SUSD4: variants seen among roughly 807,000 people sequenced by gnomAD.
SUSD4 encodes sushi domain-containing protein 4.
SUSD4 carries 41 observed loss-of-function variants against 50.5 expected under a neutral mutation model. That is an observed-to-expected ratio of 0.81 (90% CI 0.63 to 1.05). SUSD4 has a LOEUF of 1.05. Ranked by LOEUF, SUSD4 falls within the 50% of genes least tolerant of loss-of-function variation. The probability of loss-of-function intolerance (pLI) is 0.00; values close to 1 mark genes in which losing one functional copy is unlikely to be tolerated. For missense variants in SUSD4, 580 were observed against 634.7 expected (o/e 0.91, Z 0.93); for synonymous variants, 257 against 257.3 (o/e 1.00, Z 0.01).
intron 2 of SUSD4, among the ~76,000 whole-genome samples, chr1:223,352,817 A>G (rs1321004492): frequency 6.6e-6 from 1 of 151,978 alleles, no homozygotes; most frequent in Non-Finnish European, 1.5e-5. Context: ...AGTTCACCCC[A>G]CTGTCCTACC....
At chr1:223,262,866 T>C (rs1316809674) in intron 5 of SUSD4, among the ~76,000 whole-genome samples, 2 of 152,186 alleles carry the variant, frequency 1.3e-5, no homozygotes, top group African/African-American at 2.4e-5. Context: ...CAGCCAGGGT[T>C]TTCCCATCTA....
At chr1:223,352,305 G>A (rs1327305468) in intron 2 of SUSD4, among the ~76,000 whole-genome samples, 1 of 152,202 alleles carries the variant, frequency 6.6e-6, no homozygotes, top group African/African-American at 2.4e-5. Context: ...AGGGGCAAGA[G>A]CTCTCTGTGT....
intron 2 of SUSD4, among the ~76,000 whole-genome samples, chr1:223,357,993 A>C (rs1013583099): frequency 2.0e-5 from 3 of 152,234 alleles, no homozygotes; most frequent in Non-Finnish European, 4.4e-5. Context: ...TCAAACAGCA[A>C]ATGAGCTTTC....
intron 2 of SUSD4, among the ~76,000 whole-genome samples, chr1:223,346,522 C>G (rs1668044868): frequency 6.6e-6 from 1 of 152,210 alleles, no homozygotes; most frequent in South Asian, 2.1e-4. Flanking sequence ...TGAGTGCCCC[C>G]CAGCCTGGAA....
intron 7 of SUSD4, among the ~76,000 whole-genome samples, chr1:223,224,865 T>C (rs2487830): frequency 2.6e-4 from 15 of 57,920 alleles, no homozygotes; most frequent in African/African-American, 8.7e-4. Flanking sequence ...TTTCTTCCTT[T>C]TTTTTTTTTT....
chr1:223,363,303 G>A lies in SUSD4; in HGVS notation c.123C>T (p.Cys41=). 1 of 1,609,378 alleles carries A rather than the reference G, an allele frequency of 6.2e-7. No homozygotes were observed. The highest frequency in any genetic ancestry group is 8.5e-7 in the Non-Finnish European group (1 of 1,178,092). ...CGCCCGTGAGCTGTGCAGGGCCGAA[G>A]CACAGCGCCAGCTGAAACCACAGGA... ...AVILWFQLAL[C]FGPAQLTGGF... is the part of the protein sequence containing the mutation. Residue 41 remains cysteine (C), a synonymous_variant, in exon 2 of 9, where the codon TGC becomes TGT. Transcript: ENST00000366878.
chr1:223,248,758 G>A (rs1335034110), intron 5 of SUSD4, among the ~76,000 whole-genome samples: 5 of 152,132 alleles, frequency 3.3e-5, no homozygotes, highest in African/African-American at 7.2e-5. Context: ...TGAGGGAGGG[G>A]CTCTCACCTG....
chr1:223,269,989 TG>T (rs1662795392), intron 3 of SUSD4, among the ~76,000 whole-genome samples: 2 of 152,090 alleles, frequency 1.3e-5, no homozygotes. Flanking sequence ...CTAGGAACTT[TG>T]GTGGCTCGGA....
At chr1:223,273,381 T>G (rs1281719244) in intron 3 of SUSD4, among the ~76,000 whole-genome samples, 1 of 152,188 alleles carries the variant, frequency 6.6e-6, no homozygotes, top group African/African-American at 2.4e-5. Flanking sequence ...AGTAAAGGAT[T>G]AACTTACCCA....
At chr1:223,226,644 A>C (rs1659538757) in intron 7 of SUSD4, among the ~76,000 whole-genome samples, 1 of 152,238 alleles carries the variant, frequency 6.6e-6, no homozygotes, top group Admixed American at 6.5e-5. Flanking sequence ...CTCCTCCTCC[A>C]TGAGCAATAG....
At chr1:223,228,493 GGAGA>G (rs1188794409) in intron 6 of SUSD4, among the ~76,000 whole-genome samples, 9 of 152,178 alleles carry the variant, frequency 5.9e-5, no homozygotes, top group African/African-American at 1.9e-4. Context: ...GGAAAGGGCT[GGAGA>G]GAGTGGGAAG....
intron 4 of SUSD4, among the ~76,000 whole-genome samples, chr1:223,267,089 T>A (rs554981042): frequency 6.6e-6 from 1 of 152,256 alleles, no homozygotes; most frequent in South Asian, 2.1e-4. Context: ...GTTGCAGACC[T>A]AGAAAAACTA....
At chr1:223,323,917 T>A (rs371884962) in intron 2 of SUSD4, among the ~76,000 whole-genome samples, 1 of 151,550 alleles carries the variant, frequency 6.6e-6, no homozygotes, top group East Asian at 1.9e-4. Flanking sequence ...ATCTGCCCAA[T>A]TATTTTAAAA....
At chr1:223,253,480 T>G (rs1047445164) in intron 5 of SUSD4, among the ~76,000 whole-genome samples, 2 of 152,122 alleles carry the variant, frequency 1.3e-5, no homozygotes, top group Admixed American at 6.5e-5. Flanking sequence ...CTAATTAATT[T>G]GGGAGAAAAG....
chr1:223,359,632 T>C (rs1668858829), intron 2 of SUSD4, among the ~76,000 whole-genome samples: 1 of 152,250 alleles, frequency 6.6e-6, no homozygotes, highest in Admixed American at 6.5e-5. Flanking sequence ...GCTGAACATC[T>C]ACTGTGTGTC....
intron 2 of SUSD4, among the ~76,000 whole-genome samples, chr1:223,334,555 A>G (rs1456685404): frequency 6.6e-6 from 1 of 152,214 alleles, no homozygotes; most frequent in East Asian, 1.9e-4. Context: ...CAGAGAACCA[A>G]AGATAAAGAG....
At chr1:223,223,837 G>A (rs1659308123) in intron 7 of SUSD4, among the ~76,000 whole-genome samples, 1 of 152,238 alleles carries the variant, frequency 6.6e-6, no homozygotes, top group African/African-American at 2.4e-5. Context: ...GCTCCGGAGA[G>A]AGGAGGTTTT....
chr1:223,320,650 G>A (rs1666521009), intron 2 of SUSD4, among the ~76,000 whole-genome samples: 1 of 152,186 alleles, frequency 6.6e-6, no homozygotes, highest in African/African-American at 2.4e-5. Context: ...AATAAAGGAA[G>A]CTGTGGGATC....
intron 2 of SUSD4, among the ~76,000 whole-genome samples, chr1:223,309,793 C>G (rs141624104): frequency 6.6e-6 from 1 of 152,312 alleles, no homozygotes; most frequent in East Asian, 1.9e-4. Flanking sequence ...TTTTTAATAA[C>G]ATCCTGACAT....
Sources: allele counts gnomAD v4.1 joint callset (sites outside exome capture counted in the v4.1 genomes callset), GRCh38; gene constraint gnomAD v4.1.1; transcripts MANE v1.5; gene names NCBI Gene and HGNC (gene_info 2026-07-23, HGNC 2026-07-21).